DNAJC8: variants seen among roughly 807,000 people sequenced by gnomAD.
DNAJC8 encodes dnaJ homolog subfamily C member 8.
Under a neutral mutation model 43.2 loss-of-function variants are expected in DNAJC8, and 24 were observed. The observed-to-expected ratio is 0.56, with a 90% CI of 0.40 to 0.78. The LOEUF (loss-of-function observed/expected upper bound fraction) is 0.78. DNAJC8 is among the 30% of genes least tolerant of loss of function. DNAJC8 has a pLI of 0.00. For missense variants in DNAJC8, 207 were observed against 299.4 expected (o/e 0.69, Z 2.28); for synonymous variants, 83 against 98.0 (o/e 0.85, Z 0.90).
At chr1:28,223,694 T>C (rs1176319062) in intron 2 of DNAJC8, among the ~76,000 whole-genome samples, 2 of 135,838 alleles carry the variant, frequency 1.5e-5, no homozygotes, top group Non-Finnish European at 1.5e-5. Context: ...CTGGGCAACA[T>C]AGTGAGACCT....
At chr1:28,201,677 T>C (rs896295243) in intron 8 of DNAJC8, among the ~76,000 whole-genome samples, 1 of 150,508 alleles carries the variant, frequency 6.6e-6, no homozygotes, top group Admixed American at 6.6e-5. Context: ...TAATCCCAGC[T>C]ACTCGGGAGG....
intron 2 of DNAJC8, among the ~76,000 whole-genome samples, chr1:28,228,348 CAAAAAAA>C (rs78440134): frequency 1.3e-5 from 1 of 74,816 alleles, no homozygotes; most frequent in Admixed American, 1.6e-4. Flanking sequence ...GACTCCGTCT[CAAAAAAA>C]AAAAAAAAAA....
chr1:28,214,086 T>C (rs1271646477), intron 3 of DNAJC8, among the ~76,000 whole-genome samples: 1 of 149,942 alleles, frequency 6.7e-6, no homozygotes, highest in African/African-American at 2.4e-5. Context: ...ACTGGAAGGA[T>C]TTTTTTTTTA....
chr1:28,204,587 C>T (rs1195146194), intron 7 of DNAJC8, among the ~76,000 whole-genome samples: 2 of 152,150 alleles, frequency 1.3e-5, no homozygotes, highest in Non-Finnish European at 2.9e-5. Flanking sequence ...CATTTTGTTA[C>T]TGATGACACT....
At position 28,208,212 on chromosome 1, in the gene DNAJC8, T is replaced by TAATA. The variant is rs541008689; in HGVS notation, c.471+126_471+129dup. 3.6e-4 allele frequency: 233 copies of TAATA among 641,182 alleles called. 2 individuals are homozygous for TAATA. The highest frequency in any genetic ancestry group is 9.5e-4 in the South Asian group (23 of 24,210). The allele number at this position is 641,182 out of a possible 1,614,324, so 39.7% of individuals were successfully genotyped here. On this transcript the variant is annotated intron_variant, in intron 6 of 8. Transcript: ENST00000263697. The stretch of plus-strand genomic sequence containing the variant: ...CAAGAGTGAAACTCAGTCTCAAAAA[T>TAATA]AATAAATAAATAAATAAATAAATGT...
chr1:28,212,168 A>AATAAAAAAAT (rs35950985), intron 3 of DNAJC8, among the ~76,000 whole-genome samples: 6 of 31,022 alleles, frequency 1.9e-4, no homozygotes, highest in Admixed American at 5.0e-4. Context: ...TAAATAAATA[A>AATAAAAAAAT]ATATATATAT....
intron 2 of DNAJC8, among the ~76,000 whole-genome samples, chr1:28,227,209 G>C (rs1422116655): frequency 7.0e-6 from 1 of 142,570 alleles, no homozygotes. Context: ...AGGAGTTCGA[G>C]ACCAACCTGA....
intron 6 of DNAJC8, among the ~76,000 whole-genome samples, chr1:28,208,016 G>T (rs912879619): frequency 6.6e-6 from 1 of 152,086 alleles, no homozygotes; most frequent in Non-Finnish European, 1.5e-5. Context: ...AGACCAGACT[G>T]ACAAACATGG....
chr1:28,224,956 G>T (rs1275881890), intron 2 of DNAJC8, among the ~76,000 whole-genome samples: 1 of 149,362 alleles, frequency 6.7e-6, no homozygotes, highest in African/African-American at 2.5e-5. Context: ...GAAAATCTGA[G>T]GTAGGAGGAT....
Position 28,201,126 on chromosome 1 carries a change from C to T in DNAJC8, c.*122G>A, listed in dbSNP as rs139274022. ...GATCGATATTAAATCGTATTGAAAACAAAATGGACTAAAAAGCAAATACTA... is the reference window on the plus strand; with the variant it reads ...GATCGATATTAAATCGTATTGAAAATAAAATGGACTAAAAAGCAAATACTA... On this transcript the variant is annotated 3_prime_UTR_variant, in exon 9 of 9. Transcript: ENST00000263697. 7.1e-7 allele frequency: 1 copy of T among 1,415,914 alleles called. No homozygotes were observed. The highest frequency in any genetic ancestry group is 2.3e-5 in the East Asian group (1 of 43,592). 87.7% of individuals were successfully genotyped at this position (1,415,914 alleles called of 1,614,324 possible). A position where few individuals can be genotyped will look rare whatever the true frequency, so the allele number is the denominator to read the frequency against.
chr1:28,202,521 C>T (rs1021456194), intron 8 of DNAJC8, among the ~76,000 whole-genome samples: 31 of 144,626 alleles, frequency 2.1e-4, no homozygotes, highest in African/African-American at 7.7e-4. Context: ...CCTCATGATC[C>T]GCCTGCCGTG....
At chr1:28,217,892 A>G (rs928923542) in intron 2 of DNAJC8, among the ~76,000 whole-genome samples, 1 of 151,960 alleles carries the variant, frequency 6.6e-6, no homozygotes, top group Non-Finnish European at 1.5e-5. Context: ...ATATACAGAC[A>G]GTAAAATGGT....
intron 2 of DNAJC8, among the ~76,000 whole-genome samples, chr1:28,225,504 G>A (rs1047035127): frequency 4.0e-4 from 60 of 151,106 alleles, no homozygotes; most frequent in African/African-American, 1.4e-3. Flanking sequence ...GGGTTTCCTA[G>A]AAGAGGCAAA....
intron 4 of DNAJC8, 118 bp from the exon 5 acceptor site, chr1:28,210,184 C>A: frequency 1.2e-6 from 1 of 854,198 alleles, no homozygotes; most frequent in Non-Finnish European, 1.9e-6. Flanking sequence ...TAATTATTTA[C>A]TGTCGTTAAA....
rs1232550540 is a variant in DNAJC8, at chr1:28,212,164, AATAAATATATATATATAT to A, written c.238-1545_238-1528del. Reference sequence around the variant, plus strand: ...GAGCCGGACTCCGTCTCAATAAATAAATAAATATATATATATATATATATATATATATATATATATATA... The same window carrying A: ...GAGCCGGACTCCGTCTCAATAAATAAATATATATATATATATATATATATA... On this transcript the variant is annotated intron_variant, in intron 3 of 8. Transcript: ENST00000263697. 7.6e-3 allele frequency among the ~76,000 whole-genome samples: 233 copies of A among 30,570 alleles called. 5 individuals are homozygous for A. Among genetic ancestry groups the A allele is most frequent in the African/African-American group, 0.019 (219 of 11,318 alleles). 20.1% of individuals were successfully genotyped at this position (30,570 alleles called of 152,430 possible).
At chr1:28,225,760 T>C (rs1396119840) in intron 2 of DNAJC8, among the ~76,000 whole-genome samples, 1 of 148,206 alleles carries the variant, frequency 6.7e-6, no homozygotes. Context: ...TGGAGTACAG[T>C]AGCACAATCT....
chr1:28,227,659 C>T (rs973065144), intron 2 of DNAJC8, among the ~76,000 whole-genome samples: 3 of 152,064 alleles, frequency 2.0e-5, no homozygotes, highest in Non-Finnish European at 4.4e-5. Flanking sequence ...GTAATCCCAT[C>T]TACTCCAGAG....
chr1:28,207,248 G>A (rs908154454), intron 6 of DNAJC8, among the ~76,000 whole-genome samples: 1 of 151,870 alleles, frequency 6.6e-6, no homozygotes, highest in East Asian at 2.0e-4. Flanking sequence ...CTTGATGGCG[G>A]GCATCTGTAA....
chr1:28,232,754 A>G (rs534588684), intron 1 of DNAJC8, among the ~76,000 whole-genome samples, 167 bp downstream of exon 1: 5 of 152,192 alleles, frequency 3.3e-5, no homozygotes, highest in African/African-American at 9.6e-5. Context: ...ATCTCCCAGC[A>G]GCTATCAGTG....
Sources: gnomAD v4.1 joint callset for allele counts (sites outside exome capture counted in the v4.1 genomes callset) on GRCh38, gnomAD v4.1.1 for gene constraint, MANE v1.5 for transcripts, NCBI Gene and HGNC (gene_info 2026-07-23, HGNC 2026-07-21) for gene names.